TULP4: variants seen among roughly 807,000 people sequenced by gnomAD.
The protein encoded by TULP4 is TUB like protein 4.
A neutral mutation model predicts 129.0 loss-of-function variants in TULP4; 16 were observed. The ratio of observed to expected loss-of-function variants is 0.12; its 90% CI spans 0.08 to 0.19. The LOEUF (loss-of-function observed/expected upper bound fraction) is 0.19, where lower values mean the gene tolerates loss of function less well. TULP4 is among the 10% of genes least tolerant of loss of function. The probability of loss-of-function intolerance (pLI) is 1.00; values close to 1 mark genes in which losing one functional copy is unlikely to be tolerated. For missense variants in TULP4, 1,842 were observed against 2,059.1 expected (o/e 0.89, Z 2.04); for synonymous variants, 998 against 854.0 (o/e 1.17, Z -2.94).
chr6:158,470,393 C>T (rs529560056), intron 6 of TULP4, among the ~76,000 whole-genome samples: 17 of 152,352 alleles, frequency 1.1e-4, no homozygotes, highest in Admixed American at 7.2e-4. Context: ...AGGGGGTTGC[C>T]GTTGCCGGCT....
chr6:158,493,832 G>A lies in TULP4; in HGVS notation c.1776+115G>A. 8.2e-7 allele frequency: 1 copy of A among 1,224,042 alleles called. No individual in the cohort carries two copies. Among genetic ancestry groups the A allele is most frequent in the Non-Finnish European group, 1.1e-6 (1 of 914,068 alleles). The allele number at this position is 1,224,042 out of a possible 1,614,324, so 75.8% of individuals were successfully genotyped here. ...CTGCCACCATGGGTCCCTGAGCTCT[G>A]CTCCACATCCTGCACACCACCTACT... On this transcript the variant is annotated intron_variant, in intron 10 of 13. Coordinates refer to ENST00000367097, the MANE Select transcript of TULP4 (RefSeq NM_020245.5). The surrounding 1 kb of genome is among the most constrained non-coding windows in gnomAD (Gnocchi z 4.4).
chr6:158,305,063 A>G (rs777503266), intron 1 of TULP4, among the ~76,000 whole-genome samples: 18 of 151,976 alleles, frequency 1.2e-4, no homozygotes, highest in Non-Finnish European at 2.4e-4. Flanking sequence ...TCATCTTACA[A>G]AACTAAAACT....
Position 158,493,545 on chromosome 6 carries a change from C to T in TULP4, c.1632-28C>T. ...TGCTCACCATTCCCGCCACGGATGC[C>T]TGACCCCTCCTGGCCTTGCCTCCCC... On this transcript the variant is annotated intron_variant, in intron 9 of 13. Transcript: ENST00000367097. This position sits in a 1 kb window ranked among gnomAD's most constrained non-coding sequence, Gnocchi z 4.4. The T allele has an allele frequency of 6.9e-7, 1 of 1,450,078 alleles. No individual in the cohort carries two copies. The highest frequency in any genetic ancestry group is 9.1e-7 in the Non-Finnish European group (1 of 1,098,520). 89.8% of individuals were successfully genotyped at this position (1,450,078 alleles called of 1,614,324 possible).
chr6:158,347,945 A>G (rs1233441751), intron 1 of TULP4, among the ~76,000 whole-genome samples: 2 of 151,430 alleles, frequency 1.3e-5, no homozygotes, highest in Admixed American at 6.6e-5. Flanking sequence ...TCTAAATTGC[A>G]TATTTCATCA....
chr6:158,317,157 T>C (rs1294273629), intron 1 of TULP4, among the ~76,000 whole-genome samples: 6 of 139,878 alleles, frequency 4.3e-5, no homozygotes, highest in Non-Finnish European at 9.2e-5. Flanking sequence ...TTTTGCATGA[T>C]TTTTCCACAT....
chr6:158,331,718 C>CGTGTAT lies in TULP4; in HGVS notation c.252+17450_252+17451insGTGTAT, dbSNP rs1562523086. On this transcript the variant is annotated intron_variant, in intron 1 of 13. Coordinates refer to ENST00000367097, the MANE Select transcript of TULP4 (RefSeq NM_020245.5). ...ACACACACACACACACACACACACA[C>CGTGTAT]ACACACACACATACGTATATATATA... 2.5e-4 allele frequency among the ~76,000 whole-genome samples: 12 copies of CGTGTAT among 48,354 alleles called. 1 individual carries two copies. Among genetic ancestry groups the CGTGTAT allele is most frequent in the South Asian group, 7.7e-4 (1 of 1,304 alleles). 31.7% of individuals were successfully genotyped at this position (48,354 alleles called of 152,430 possible).
At chr6:158,348,597 A>G (rs1260736404) in intron 1 of TULP4, among the ~76,000 whole-genome samples, 1 of 151,694 alleles carries the variant, frequency 6.6e-6, no homozygotes, top group Non-Finnish European at 1.5e-5. Flanking sequence ...CACAGTAACA[A>G]TCTGATCTCT....
chr6:158,379,737 A>T (rs1777281387), intron 1 of TULP4, among the ~76,000 whole-genome samples: 1 of 152,188 alleles, frequency 6.6e-6, no homozygotes, highest in South Asian at 2.1e-4. Context: ...ACAAAGAAAG[A>T]AAGTGAGGGG....
chr6:158,377,637 CT>C (rs1777222280), intron 1 of TULP4, among the ~76,000 whole-genome samples: 1 of 152,196 alleles, frequency 6.6e-6, no homozygotes. Context: ...CATGATAGGG[CT>C]CCTGCCTTTG....
intron 1 of TULP4, among the ~76,000 whole-genome samples, chr6:158,252,596 G>A (rs144574558): frequency 1.3e-5 from 2 of 152,086 alleles, no homozygotes; most frequent in East Asian, 1.9e-4. Context: ...GGATGGTCTC[G>A]ATCTCTTGAC....
chr6:158,493,631 C>G lies in TULP4; in HGVS notation c.1690C>G (p.Arg564Gly). Residue 564 changes from arginine (R) to glycine (G), a missense_variant, in exon 10 of 14, where the codon CGG becomes GGG. Arg to Gly is a moderately radical substitution (Grantham distance 125, BLOSUM62 -2). Transcript: ENST00000367097. The surrounding 1 kb of genome is among the most constrained non-coding windows in gnomAD (Gnocchi z 4.4). ...GCCCCGGGCTGCTCAGGAGCTCTCC[C>G]GGTCCCCACGGTTGCCCCTGCGCAA... ...KLPRAAQELS[R>G]SPRLPLRKPS... The G allele has an allele frequency of 1.3e-6, 2 of 1,599,188 alleles. No individual in the cohort carries two copies. The highest frequency in any genetic ancestry group is 1.7e-4 in the Middle Eastern group (1 of 6,030).
intron 2 of TULP4, among the ~76,000 whole-genome samples, chr6:158,429,007 A>G (rs1254243097): frequency 6.6e-6 from 1 of 152,210 alleles, no homozygotes; most frequent in Non-Finnish European, 1.5e-5. Flanking sequence ...TTTAGAGACA[A>G]TACCTTGTTC....
chr6:158,278,045 A>G (rs1778677222), upstream of TULP4, among the ~76,000 whole-genome samples: 1 of 152,184 alleles, frequency 6.6e-6, no homozygotes, highest in Admixed American at 6.5e-5. Flanking sequence ...GGGTTCTCTC[A>G]GCATAGGTGG....
intron 5 of TULP4, among the ~76,000 whole-genome samples, chr6:158,456,926 C>G (rs1291374293): frequency 6.6e-6 from 1 of 151,998 alleles, no homozygotes; most frequent in Admixed American, 6.6e-5. Flanking sequence ...GGCAATTTAC[C>G]TTTTCTCTCT....
intron 1 of TULP4, among the ~76,000 whole-genome samples, chr6:158,314,699 C>T (rs994043007): frequency 2.0e-5 from 3 of 152,224 alleles, no homozygotes; most frequent in Non-Finnish European, 4.4e-5. Context: ...AGTGGTGCTG[C>T]CTTTACCTTG....
intron 1 of TULP4, among the ~76,000 whole-genome samples, chr6:158,366,888 A>C (rs1776923627): frequency 6.6e-6 from 1 of 152,178 alleles, no homozygotes; most frequent in Non-Finnish European, 1.5e-5. Context: ...CAGCAAGAGA[A>C]TTTACCTATG....
intron 3 of TULP4, among the ~76,000 whole-genome samples, chr6:158,433,588 G>A (rs1344151289): frequency 6.6e-6 from 1 of 152,208 alleles, no homozygotes; most frequent in Non-Finnish European, 1.5e-5. Context: ...GCACGTGCCT[G>A]TAGTCCCAGC....
chr6:158,309,672 C>T (rs896814854), upstream of TULP4, among the ~76,000 whole-genome samples: 2 of 152,092 alleles, frequency 1.3e-5, no homozygotes, highest in Non-Finnish European at 1.5e-5. Context: ...GCGGATCACT[C>T]GCGGTTAGGA....
chr6:158,459,604 C>G (rs1779377008), intron 5 of TULP4, among the ~76,000 whole-genome samples: 2 of 145,470 alleles, frequency 1.4e-5, no homozygotes. Flanking sequence ...CAACAACCCA[C>G]TTTTCTGTTG....
Sources: allele counts gnomAD v4.1 joint callset (sites outside exome capture counted in the v4.1 genomes callset), GRCh38; gene constraint gnomAD v4.1.1; non-coding constraint Gnocchi (gnomAD v3.1); transcripts MANE v1.5; gene names NCBI Gene and HGNC (gene_info 2026-07-23, HGNC 2026-07-21).